The following MTUS1 variants were observed in gnomAD, a reference collection of about 807,000 sequenced individuals.
MTUS1 encodes microtubule-associated tumor suppressor 1.
MTUS1 carries 109 observed loss-of-function variants against 120.8 expected under a neutral mutation model. The ratio of observed to expected loss-of-function variants is 0.90; its 90% CI spans 0.77 to 1.06. MTUS1 has a LOEUF of 1.06. Among genes scored for constraint, MTUS1 ranks in the 50% least tolerant of loss-of-function variants. MTUS1 has a pLI of 0.00. For synonymous variants in MTUS1, 737 were observed against 550.5 expected (o/e 1.34, Z -4.74); for missense variants, 2,210 against 1,486.3 (o/e 1.49, Z -8.01).
At chr8:17,747,395 G>A (rs2047847225) in intron 2 of MTUS1, among the ~76,000 whole-genome samples, 2 of 151,958 alleles carry the variant, frequency 1.3e-5, no homozygotes, top group South Asian at 4.2e-4. Context: ...TCCCCCTCCT[G>A]CAGCACAGCA....
intron 1 of MTUS1, among the ~76,000 whole-genome samples, chr8:17,766,532 G>A (rs969187902): frequency 6.6e-6 from 1 of 152,192 alleles, no homozygotes; most frequent in South Asian, 2.1e-4. Context: ...ATCTGAAGGT[G>A]ACTAAGAGCC....
chr8:17,703,597 G>A lies in MTUS1; in HGVS notation c.2623+9617C>T, dbSNP rs528714380. On this transcript the variant is annotated intron_variant, in intron 6 of 14. Transcript: ENST00000693296. ...TGAGCCGAGATCGCGCCACTGCACC[G>A]CAGCCTGGGTGACAGAGCCAGACTC... 8.4e-4 allele frequency among the ~76,000 whole-genome samples: 124 copies of A among 146,874 alleles called. 1 individual carries two copies. The highest frequency in any genetic ancestry group is 2.7e-3 in the African/African-American group (106 of 39,578).
intron 6 of MTUS1, chr8:17,706,144 G>A (rs2979808): frequency 6.6e-6 from 1 of 151,986 alleles, no homozygotes; most frequent in East Asian, 1.9e-4. Flanking sequence ...CTAAAAATAA[G>A]CCCCTAGAAT....
chr8:17,699,921 G>T (rs977983258), intron 6 of MTUS1, among the ~76,000 whole-genome samples: 2 of 152,064 alleles, frequency 1.3e-5, no homozygotes, highest in Admixed American at 1.3e-4. Context: ...ATATGCCTCT[G>T]GGGGGAGCCA....
chr8:17,649,087 T>G (rs928399222), intron 13 of MTUS1, among the ~76,000 whole-genome samples: 2 of 114,202 alleles, frequency 1.8e-5, no homozygotes, highest in East Asian at 4.8e-4. Flanking sequence ...TTAATCTTAT[T>G]ATAGCACAAT....
intron 2 of MTUS1, among the ~76,000 whole-genome samples, chr8:17,752,910 C>T (rs894712800): frequency 6.6e-6 from 1 of 152,146 alleles, no homozygotes; most frequent in African/African-American, 2.4e-5. Context: ...GTTTTTAAAA[C>T]CCAGAAAACC....
At chr8:17,751,862 T>TAAAAAAAAAAAAAAAAAA (rs56362055) in intron 2 of MTUS1, among the ~76,000 whole-genome samples, 4 of 96,538 alleles carry the variant, frequency 4.1e-5, no homozygotes, top group Admixed American at 1.3e-4. Flanking sequence ...GACTCTGCCT[T>TAAAAAAAAAAAAAAAAAA]AAAAAAAAAA....
chr8:17,757,883 G>T (rs999754286), intron 1 of MTUS1, among the ~76,000 whole-genome samples: 2 of 152,174 alleles, frequency 1.3e-5, no homozygotes, highest in African/African-American at 4.8e-5. Flanking sequence ...CAGTGCCAAA[G>T]AAAGGTCCAA....
At chr8:17,675,526 C>T (rs189487801) in intron 7 of MTUS1, among the ~76,000 whole-genome samples, 3 of 152,314 alleles carry the variant, frequency 2.0e-5, no homozygotes, top group East Asian at 1.9e-4. Flanking sequence ...TGAGCCAGTG[C>T]TTCACTGCTG....
chr8:17,682,898 T>C (rs1338838224), intron 7 of MTUS1, among the ~76,000 whole-genome samples: 1 of 148,296 alleles, frequency 6.7e-6, no homozygotes, highest in Non-Finnish European at 1.5e-5. Flanking sequence ...AAACCCTAAG[T>C]AGTCTCCAAC....
intron 1 of MTUS1, among the ~76,000 whole-genome samples, chr8:17,789,250 C>T (rs1467808202): frequency 6.6e-6 from 1 of 152,100 alleles, no homozygotes; most frequent in Non-Finnish European, 1.5e-5. Flanking sequence ...AGGCTGGTCT[C>T]CAACTCCCAA....
chr8:17,717,920 A>G (rs1359578070), intron 4 of MTUS1, among the ~76,000 whole-genome samples: 1 of 152,196 alleles, frequency 6.6e-6, no homozygotes, highest in Non-Finnish European at 1.5e-5. Flanking sequence ...CGTTTGACTC[A>G]GGTACAAACA....
At chr8:17,798,656 CCA>C (rs1464068957) in intron 1 of MTUS1, among the ~76,000 whole-genome samples, 1 of 152,096 alleles carries the variant, frequency 6.6e-6, no homozygotes. Context: ...AAATCTTCTA[CCA>C]CAGTCACATA....
rs1317676592 is a variant in MTUS1, at chr8:17,645,519, A to AC, written c.*406dup. ...GACATCCATTTCATTCACACCCCCCACCCCCACAGTCAGACTGAAAACTCA... is the reference window on the plus strand; with the variant it reads ...GACATCCATTTCATTCACACCCCCCACCCCCCACAGTCAGACTGAAAACTCA... On this transcript the variant is annotated 3_prime_UTR_variant, in exon 15 of 15. Transcript: ENST00000693296. The AC allele has an allele frequency of 2.3e-5, 4 of 171,128 alleles. No individual in the cohort carries two copies. The highest frequency in any genetic ancestry group is 5.0e-5 in the Non-Finnish European group (4 of 80,688). The allele number at this position is 171,128 out of a possible 1,614,324, so 10.6% of individuals were successfully genotyped here. A position where few individuals can be genotyped will look rare whatever the true frequency, so the allele number is the denominator to read the frequency against.
chr8:17,773,560 T>G (rs934341778), intron 1 of MTUS1, among the ~76,000 whole-genome samples: 4 of 152,148 alleles, frequency 2.6e-5, no homozygotes, highest in Admixed American at 2.6e-4. Flanking sequence ...ACAAAACTGG[T>G]GTCTGGTAAG....
At chr8:17,680,482 A>C (rs1433958184) in intron 7 of MTUS1, among the ~76,000 whole-genome samples, 2 of 149,052 alleles carry the variant, frequency 1.3e-5, no homozygotes, top group Non-Finnish European at 3.0e-5. Flanking sequence ...AAAAAAAAAA[A>C]AAAAAAAAAA....
intron 3 of MTUS1, among the ~76,000 whole-genome samples, chr8:17,737,778 T>A (rs925596438): frequency 3.3e-5 from 5 of 152,216 alleles, no homozygotes; most frequent in Non-Finnish European, 4.4e-5. Context: ...TGAGCCACCA[T>A]GTCCGGCCTC....
chr8:17,752,753 T>C (rs373253962), intron 2 of MTUS1, among the ~76,000 whole-genome samples: 51 of 152,238 alleles, frequency 3.4e-4, no homozygotes, highest in African/African-American at 1.1e-3. Flanking sequence ...CACACCTGCC[T>C]TTCTCCGCTG....
intron 13 of MTUS1, among the ~76,000 whole-genome samples, chr8:17,647,739 G>A (rs999844442): frequency 6.6e-5 from 10 of 152,196 alleles, no homozygotes; most frequent in African/African-American, 2.4e-4. Context: ...CTGATCAGCG[G>A]AGAGATGAAA....
Sources: gnomAD v4.1 joint callset for allele counts (sites outside exome capture counted in the v4.1 genomes callset) on GRCh38, gnomAD v4.1.1 for gene constraint, MANE v1.5 for transcripts, NCBI Gene and HGNC (gene_info 2026-07-23, HGNC 2026-07-21) for gene names.